NAV2: variants seen among roughly 807,000 people sequenced by gnomAD.
NAV2 encodes helicase, APC down-regulated 1.
A neutral mutation model predicts 223.2 loss-of-function variants in NAV2; 54 were observed. The ratio of observed to expected loss-of-function variants is 0.24; its 90% CI spans 0.19 to 0.30. The LOEUF (loss-of-function observed/expected upper bound fraction) is 0.30, where lower values mean the gene tolerates loss of function less well. Ranked by LOEUF, NAV2 falls within the 10% of genes least tolerant of loss-of-function variation. The pLI is 1.00. For synonymous variants in NAV2, 1,279 were observed against 1,239.3 expected (o/e 1.03, Z -0.67); for missense variants, 2,806 against 3,147.5 (o/e 0.89, Z 2.60).
chr11:19,766,340 A>G (rs970591941), intron 1 of NAV2, among the ~76,000 whole-genome samples: 9 of 152,068 alleles, frequency 5.9e-5, no homozygotes, highest in Non-Finnish European at 1.3e-4. Flanking sequence ...CATGGTCTGA[A>G]GGGTGAATCC....
chr11:20,088,690 G>A (rs1307564453), intron 26 of NAV2, among the ~76,000 whole-genome samples: 2 of 152,202 alleles, frequency 1.3e-5, no homozygotes, highest in South Asian at 2.1e-4. Context: ...GTTCCACAAC[G>A]TGAGTGCCAA....
chr11:19,585,520 T>C (rs1054001652), intron 1 of NAV2, among the ~76,000 whole-genome samples: 1 of 152,202 alleles, frequency 6.6e-6, no homozygotes, highest in Non-Finnish European at 1.5e-5. Flanking sequence ...CTGGTACCGG[T>C]TGTTCCTTTC....
At chr11:19,834,433 C>T (rs993481129) in intron 2 of NAV2, among the ~76,000 whole-genome samples, 28 of 152,272 alleles carry the variant, frequency 1.8e-4, no homozygotes, top group African/African-American at 5.5e-4. Context: ...TAACTTAGTG[C>T]GGGGCCTTGT....
At chr11:19,637,351 C>T (rs1356246878) in intron 1 of NAV2, among the ~76,000 whole-genome samples, 4 of 152,178 alleles carry the variant, frequency 2.6e-5, no homozygotes, top group African/African-American at 4.8e-5. Context: ...TTGCCTCCAC[C>T]TTCAATCTTT....
rs368057530 is a variant in NAV2 at position 20,103,649 on chromosome 11, G to T, written c.6573-4G>T. ...AGCTTTCTTTTCCTTTATTTTATCC[G>T]CAGCCCTTACATAATTGGCACAATG... On this transcript the variant is annotated splice_polypyrimidine_tract_variant and splice_region_variant and intron_variant, in intron 33 of 37. Coordinates refer to ENST00000349880, the MANE Select transcript of NAV2 (RefSeq NM_145117.5). 2 of 1,613,538 alleles carry T rather than the reference G, an allele frequency of 1.2e-6. No individual in the cohort carries two copies. Among genetic ancestry groups the T allele is most frequent in the Non-Finnish European group, 1.7e-6 (2 of 1,179,634 alleles).
intron 1 of NAV2, among the ~76,000 whole-genome samples, chr11:19,580,448 G>T (rs939947280): frequency 6.6e-6 from 1 of 152,074 alleles, no homozygotes; most frequent in African/African-American, 2.4e-5. Context: ...GTAGCTCAAG[G>T]CATTACATGG....
chr11:19,542,812 G>A (rs2044375587), intron 1 of NAV2, among the ~76,000 whole-genome samples: 3 of 152,332 alleles, frequency 2.0e-5, no homozygotes, highest in South Asian at 4.1e-4. Context: ...TGAGCTAGAA[G>A]GCAAGAGCCA....
Position 19,993,517 on chromosome 11 carries a change from G to A in NAV2, c.2768+9270G>A, listed in dbSNP as rs150289899. Reference sequence around the variant, plus strand: ...GAGAACAGAAAATATGTAGTGAACTGCACTAATGACTATCATGCTTTTATC... The same window carrying A: ...GAGAACAGAAAATATGTAGTGAACTACACTAATGACTATCATGCTTTTATC... On this transcript the variant is annotated intron_variant, in intron 11 of 37. Coordinates refer to ENST00000349880, the MANE Select transcript of NAV2 (RefSeq NM_145117.5). 1.8e-4 allele frequency among the ~76,000 whole-genome samples: 28 copies of A among 152,348 alleles called. No homozygotes were observed. The East Asian group carries it at 5.0e-3, about 27-fold the overall frequency.
At chr11:20,078,467 CT>C (rs889994051) in intron 24 of NAV2, among the ~76,000 whole-genome samples, 2 of 151,730 alleles carry the variant, frequency 1.3e-5, no homozygotes, top group South Asian at 2.1e-4. Context: ...GAAAAGATTT[CT>C]TTTTTTTTCT....
chr11:19,987,911 G>A (rs892653831), intron 11 of NAV2, among the ~76,000 whole-genome samples: 3 of 152,198 alleles, frequency 2.0e-5, no homozygotes, highest in Non-Finnish European at 4.4e-5. Flanking sequence ...ATAACAGACA[G>A]ATAAAAGGAG....
At chr11:19,911,103 G>A (rs986827922) in intron 6 of NAV2, among the ~76,000 whole-genome samples, 1 of 150,028 alleles carries the variant, frequency 6.7e-6, no homozygotes, top group African/African-American at 2.5e-5. Flanking sequence ...TTTGTGAGCT[G>A]GAAGTGAACT....
At chr11:19,450,992 C>G (rs1041125908) in intron 1 of NAV2, among the ~76,000 whole-genome samples, 2 of 152,108 alleles carry the variant, frequency 1.3e-5, no homozygotes, top group African/African-American at 4.8e-5. Context: ...GAGGATGAAA[C>G]AACTTGGAAG....
chr11:19,946,322 G>T, intron 8 of NAV2, 79 bp from the exon 9 acceptor site: 1 of 1,292,956 alleles, frequency 7.7e-7, no homozygotes, highest in South Asian at 1.4e-5. Flanking sequence ...TATGGTTATG[G>T]TCATAGACAT....
At chr11:19,710,533 G>A (rs2049833252), upstream of NAV2, among the ~76,000 whole-genome samples, 1 of 152,190 alleles carries the variant, frequency 6.6e-6, no homozygotes, top group Non-Finnish European at 1.5e-5. Context: ...ACAGATTGCT[G>A]GGCCCCATCC....
intron 11 of NAV2, among the ~76,000 whole-genome samples, chr11:20,005,871 T>C (rs1174331782): frequency 2.0e-5 from 3 of 152,198 alleles, no homozygotes; most frequent in Non-Finnish European, 1.5e-5. Flanking sequence ...CTAACATGTA[T>C]GTAGCATACA....
In NAV2 at chr11:19,627,920, AAAAAAAAAG is replaced by A. The variant is rs1380341408; in HGVS notation, c.76-204561_76-204553del. Among the ~76,000 whole-genome samples, 8 of 111,722 alleles carry A rather than the reference AAAAAAAAAG, an allele frequency of 7.2e-5. No individual in the cohort carries two copies. In the South Asian group the frequency reaches 1.5e-3, roughly 21 times the overall value. The allele number at this position is 111,722 out of a possible 152,430, so 73.3% of individuals were successfully genotyped here. On this transcript the variant is annotated intron_variant, in intron 1 of 37. Transcript: ENST00000360655. ...CTTAGTTTCCTTGTTTTCAAAAAAA[AAAAAAAAAG>A]AAGAAGAAGAAGAAGAAGAGATAAT...
intron 1 of NAV2, among the ~76,000 whole-genome samples, chr11:19,524,546 A>T (rs1463254506): frequency 1.3e-5 from 2 of 152,064 alleles, no homozygotes; most frequent in Non-Finnish European, 2.9e-5. Context: ...GGCATGGTTG[A>T]TGTTTTCATT....
chr11:19,933,784 C>T lies in NAV2; in HGVS notation c.1540C>T (p.Leu514=). ...LAKRASVTER[L]DLKEEPKEDP... Reference sequence around the variant, plus strand: ...CAAGAGAGCCTCTGTGACGGAGAGGCTGGACCTCAAGGAGGAGCCAAAAGA... The same window carrying T: ...CAAGAGAGCCTCTGTGACGGAGAGGTTGGACCTCAAGGAGGAGCCAAAAGA... The change falls in exon 7 of 38, where the codon CTG becomes TTG. Residue 514 remains leucine, a synonymous_variant. Transcript: ENST00000349880. The surrounding 1 kb of genome is among the most constrained non-coding windows in gnomAD (Gnocchi z 4.3). The T allele has an allele frequency of 1.2e-6, 2 of 1,614,192 alleles. No homozygotes were observed. The highest frequency in any genetic ancestry group is 1.7e-6 in the Non-Finnish European group (2 of 1,180,030).
chr11:19,666,038 C>T (rs988444315), intron 1 of NAV2, among the ~76,000 whole-genome samples: 1 of 152,154 alleles, frequency 6.6e-6, no homozygotes, highest in Non-Finnish European at 1.5e-5. Flanking sequence ...TCTCATATCA[C>T]CCACATGCCT....
Sources: gnomAD v4.1 joint callset for allele counts (sites outside exome capture counted in the v4.1 genomes callset) on GRCh38, gnomAD v4.1.1 for gene constraint, Gnocchi (gnomAD v3.1) non-coding constraint, MANE v1.5 for transcripts, NCBI Gene and HGNC (gene_info 2026-07-23, HGNC 2026-07-21) for gene names.